Variants in ANO5 observed in about 807,000 individuals in gnomAD.
ANO5 encodes anoctamin 5.
ANO5 carries 109 observed loss-of-function variants against 121.0 expected under a neutral mutation model. The observed-to-expected ratio is 0.90, with a 90% CI of 0.77 to 1.06. The LOEUF (loss-of-function observed/expected upper bound fraction) is 1.06. ANO5 is among the 50% of genes least tolerant of loss of function. The probability of loss-of-function intolerance (pLI) is 0.00; values close to 1 mark genes in which losing one functional copy is unlikely to be tolerated. For synonymous variants in ANO5, 406 were observed against 359.9 expected (o/e 1.13, Z -1.45); for missense variants, 1,064 against 1,078.5 (o/e 0.99, Z 0.19).
At chr11:22,275,021 T>G (rs1854779874) in intron 20 of ANO5, among the ~76,000 whole-genome samples, 1 of 151,998 alleles carries the variant, frequency 6.6e-6, no homozygotes, top group Admixed American at 6.6e-5. Flanking sequence ...TTTCTTACTT[T>G]CTAATGTATC....
At position 22,255,634 on chromosome 11, in the gene ANO5, A is replaced by C. The variant is rs566533350; in HGVS notation, c.1332+112A>C. 3.2e-5 allele frequency: 40 copies of C among 1,248,042 alleles called. 1 individual carries two copies. In the South Asian group the frequency reaches 5.0e-4, roughly 16 times the overall value. 77.3% of individuals were successfully genotyped at this position (1,248,042 alleles called of 1,614,324 possible). A position where few individuals can be genotyped will look rare whatever the true frequency, so the allele number is the denominator to read the frequency against. On this transcript the variant is annotated intron_variant, in intron 13 of 21. Transcript: ENST00000324559. ...CCTTTAAAATATTCTGCAACGTATAAATCACATAAACTTCTTTACTTGTTT... is the reference window on the plus strand; with the variant it reads ...CCTTTAAAATATTCTGCAACGTATACATCACATAAACTTCTTTACTTGTTT...
intron 4 of ANO5, 32 bp downstream of exon 4, chr11:22,218,319 C>G (rs1349636864): frequency 6.2e-7 from 1 of 1,611,464 alleles, no homozygotes; most frequent in Non-Finnish European, 8.5e-7. Context: ...GCTGCTTATG[C>G]TCTGAATGGC....
At chr11:22,223,251 GAAATGA>G (rs1852715524) in intron 5 of ANO5, among the ~76,000 whole-genome samples, 1 of 151,954 alleles carries the variant, frequency 6.6e-6, no homozygotes, top group Non-Finnish European at 1.5e-5. Context: ...TTATTACAGT[GAAATGA>G]TAAAAAGCAA....
chr11:22,252,485 G>C (rs774491725), intron 12 of ANO5, among the ~76,000 whole-genome samples: 7 of 152,292 alleles, frequency 4.6e-5, no homozygotes, highest in Non-Finnish European at 1.0e-4. Context: ...TCACAAGTGA[G>C]ACTGATCACA....
At chr11:22,251,808 C>T (rs1195589228) in intron 12 of ANO5, among the ~76,000 whole-genome samples, 3 of 151,522 alleles carry the variant, frequency 2.0e-5, no homozygotes, top group South Asian at 2.1e-4. Flanking sequence ...GGGCAGATCA[C>T]GAGGTCAGGA....
In ANO5 at chr11:22,282,062, C is replaced by CTAG. The variant is rs1471896522; in HGVS notation, c.*2297_*2298insTAG. ...CAAACCAATTCAGATAGATGTGTCT[C>CTAG]ATCTAATTAAACCCATTGGTTTTTA... On this transcript the variant is annotated 3_prime_UTR_variant, in exon 22 of 22. Coordinates refer to ENST00000324559, the MANE Select transcript of ANO5 (RefSeq NM_213599.3). 8 of 152,062 alleles carry CTAG rather than the reference C, an allele frequency of 5.3e-5. No individual in the cohort carries two copies. Among genetic ancestry groups the CTAG allele is most frequent in the Non-Finnish European group, 1.2e-4 (8 of 67,972 alleles). The allele number at this position is 152,062 out of a possible 1,614,324, so 9.4% of individuals were successfully genotyped here.
Position 22,267,752 on chromosome 11 carries a change from T to A in ANO5, c.1899-2560T>A, listed in dbSNP as rs117231377. 6.5e-3 allele frequency among the ~76,000 whole-genome samples: 988 copies of A among 152,246 alleles called. 6 individuals are homozygous for A. The highest frequency in any genetic ancestry group is 0.012 in the Non-Finnish European group (789 of 68,012). On this transcript the variant is annotated intron_variant, in intron 17 of 21. Transcript: ENST00000324559. ...AATACCCAGTACTTATTCTTCCTGA[T>A]CCTCTCCCTCTTCTGACACTCCACC...
chr11:22,245,451 T>A (rs1163403706), intron 9 of ANO5, among the ~76,000 whole-genome samples: 2 of 152,232 alleles, frequency 1.3e-5, no homozygotes, highest in African/African-American at 4.8e-5. Context: ...TTTTGTTTTA[T>A]ATCTTTCCAC....
At chr11:22,251,358 T>C (rs576307049) in intron 12 of ANO5, among the ~76,000 whole-genome samples, 1 of 152,326 alleles carries the variant, frequency 6.6e-6, no homozygotes, top group Non-Finnish European at 1.5e-5. Context: ...AGGATATTGA[T>C]CATGTATACA....
chr11:22,208,890 TA>T (rs1852198191), intron 2 of ANO5, among the ~76,000 whole-genome samples: 1 of 151,824 alleles, frequency 6.6e-6, no homozygotes, highest in Non-Finnish European at 1.5e-5. Context: ...TCAAATGCAA[TA>T]AAAACAGGCT....
At chr11:22,235,373 A>G (rs1564928044) in intron 7 of ANO5, among the ~76,000 whole-genome samples, 1 of 152,170 alleles carries the variant, frequency 6.6e-6, no homozygotes, top group African/African-American at 2.4e-5. Flanking sequence ...ATTATGATCT[A>G]TTTACCGAGA....
At chr11:22,211,216 C>T (rs372195865) in intron 2 of ANO5, 48 bp from the exon 3 acceptor site, 53 of 1,591,738 alleles carry the variant, frequency 3.3e-5, no homozygotes, top group Non-Finnish European at 4.5e-5. Flanking sequence ...CCCTTTGCTC[C>T]ACCTGCACTA....
intron 3 of ANO5, among the ~76,000 whole-genome samples, chr11:22,214,257 G>A (rs1020416510): frequency 6.6e-6 from 1 of 151,736 alleles, no homozygotes; most frequent in African/African-American, 2.4e-5. Context: ...CTATTATTGT[G>A]TTTAGTTTTG....
chr11:22,214,219 T>C (rs915127013), intron 3 of ANO5, among the ~76,000 whole-genome samples: 1 of 152,004 alleles, frequency 6.6e-6, no homozygotes, highest in Non-Finnish European at 1.5e-5. Flanking sequence ...AGCTTTTCAG[T>C]TGACTCCTGT....
intron 7 of ANO5, among the ~76,000 whole-genome samples, chr11:22,230,181 C>G (rs1302204992): frequency 6.6e-6 from 1 of 151,752 alleles, no homozygotes; most frequent in African/African-American, 2.4e-5. Context: ...CTAGATTTAT[C>G]CAGCTGTGTC....
chr11:22,237,782 C>T (rs1398098375), intron 8 of ANO5, among the ~76,000 whole-genome samples: 1 of 151,994 alleles, frequency 6.6e-6, no homozygotes, highest in Non-Finnish European at 1.5e-5. Flanking sequence ...CAAACAGCCT[C>T]TTCTTTTTTT....
intron 19 of ANO5, among the ~76,000 whole-genome samples, chr11:22,273,216 A>G (rs1854693419): frequency 6.6e-6 from 1 of 152,188 alleles, no homozygotes. Context: ...ATCATGACAC[A>G]GTTTCACAGC....
intron 18 of ANO5, among the ~76,000 whole-genome samples, chr11:22,271,988 T>C (rs746304713): frequency 6.6e-5 from 10 of 152,170 alleles, no homozygotes; most frequent in Non-Finnish European, 1.5e-4. Flanking sequence ...ATATTTGAGA[T>C]ATATTTAAAA....
At chr11:22,199,640 T>C (rs1237520394) in intron 1 of ANO5, among the ~76,000 whole-genome samples, 1 of 152,110 alleles carries the variant, frequency 6.6e-6, no homozygotes, top group Non-Finnish European at 1.5e-5. Flanking sequence ...ACAAAGTAAA[T>C]TTAGTGATAA....
Sources: gnomAD v4.1 joint callset for allele counts (sites outside exome capture counted in the v4.1 genomes callset) on GRCh38, gnomAD v4.1.1 for gene constraint, MANE v1.5 for transcripts, NCBI Gene and HGNC (gene_info 2026-07-23, HGNC 2026-07-21) for gene names.